Variants in FBXL20 observed in about 807,000 individuals in gnomAD.
The protein encoded by FBXL20 is F-box/LRR-repeat protein 20.
Under a neutral mutation model 64.0 loss-of-function variants are expected in FBXL20, and 11 were observed. The observed-to-expected ratio is 0.17, with a 90% CI of 0.11 to 0.28. The LOEUF (loss-of-function observed/expected upper bound fraction) is 0.28. FBXL20 is among the 10% of genes least tolerant of loss of function. FBXL20 has a pLI of 1.00. For missense variants in FBXL20, 303 were observed against 526.2 expected (o/e 0.58, Z 4.15); for synonymous variants, 184 against 189.0 (o/e 0.97, Z 0.22).
intron 1 of FBXL20, among the ~76,000 whole-genome samples, chr17:39,388,914 C>G (rs1487069239): frequency 2.0e-5 from 3 of 149,802 alleles, no homozygotes; most frequent in Admixed American, 1.3e-4. Flanking sequence ...CCAGCCTGAC[C>G]AACATAATGA....
In FBXL20 at chr17:39,252,894, A is replaced by G. The variant is rs1355247377; in HGVS notation, c.*8566T>C. On this transcript the variant is annotated 3_prime_UTR_variant, in exon 15 of 15. Coordinates refer to ENST00000264658, the MANE Select transcript of FBXL20 (RefSeq NM_032875.3). ...TCAAGCGCCAAAAGTACTGGGTGGA[A>G]ACAGTCACTTGGAGAGCTAATGGAA... The G allele has an allele frequency of 1.3e-5, 2 of 152,062 alleles. No individual in the cohort carries two copies. Among genetic ancestry groups the G allele is most frequent in the Non-Finnish European group, 2.9e-5 (2 of 68,030 alleles). 9.4% of individuals were successfully genotyped at this position (152,062 alleles called of 1,614,324 possible). A position where few individuals can be genotyped will look rare whatever the true frequency, so the allele number is the denominator to read the frequency against.
intron 1 of FBXL20, among the ~76,000 whole-genome samples, chr17:39,371,876 T>A (rs769357160): frequency 2.4e-4 from 36 of 152,066 alleles, no homozygotes; most frequent in Non-Finnish European, 4.9e-4. Context: ...ACTACTCAGG[T>A]TTAAAGGAGA....
In FBXL20 at chr17:39,282,718, T is replaced by G. The variant is rs759697891; in HGVS notation, c.621+11A>C. ...TCTTCCGAATTTCACGAGCCCTACA[T>G]GGAGTATTACCTGCGTGCAGCCTTT... On this transcript the variant is annotated intron_variant, in intron 8 of 14. Transcript: ENST00000264658. 5 of 1,613,982 alleles carry G rather than the reference T, an allele frequency of 3.1e-6. No individual in the cohort carries two copies. The highest frequency in any genetic ancestry group is 2.7e-5 in the African/African-American group (2 of 74,920).
intron 2 of FBXL20, among the ~76,000 whole-genome samples, chr17:39,328,575 AAC>A (rs2047431784): frequency 1.3e-5 from 2 of 152,228 alleles, no homozygotes; most frequent in South Asian, 4.1e-4. Flanking sequence ...TACGGATATA[AAC>A]ACAAACAAAT....
In FBXL20 at chr17:39,275,008, G is replaced by A. The variant is rs1304733862; in HGVS notation, c.789C>T (p.Ala263=). The stretch of plus-strand genomic sequence containing the variant: ...AGTTCTGACCTAGAGCATTCAGGAT[G>A]GCATCTGTGATGTTGGAGCAGCCAG... ...CASGCSNITD[A]ILNALGQNCP... is the part of the protein sequence containing the mutation. The change falls in exon 10 of 15, where the codon GCC becomes GCT. Residue 263 remains alanine, a synonymous_variant. Coordinates refer to ENST00000264658, the MANE Select transcript of FBXL20 (RefSeq NM_032875.3). The A allele has an allele frequency of 1.9e-6, 3 of 1,614,084 alleles. No individual in the cohort carries two copies. Among genetic ancestry groups the A allele is most frequent in the Non-Finnish European group, 2.5e-6 (3 of 1,180,004 alleles).
intron 2 of FBXL20, among the ~76,000 whole-genome samples, chr17:39,337,980 G>A (rs184525148): frequency 0.1 from 15,554 of 151,400 alleles, 842 homozygotes; most frequent in African/African-American, 0.15. Context: ...CTGCCCGGCC[G>A]CCCCTACTGG....
At position 39,401,599 on chromosome 17, in the gene FBXL20, A is replaced by G; in HGVS notation, c.-197T>C. 1.4e-6 allele frequency: 2 copies of G among 1,403,214 alleles called. No homozygotes were observed. The highest frequency in any genetic ancestry group is 1.8e-6 in the Non-Finnish European group (2 of 1,087,480). 86.9% of individuals were successfully genotyped at this position (1,403,214 alleles called of 1,614,324 possible). ...TCCCGCGGCGCCGGCGGCCGCAACG[A>G]CTGCTCGTCGCTAGCTCGGCTCTCT... On this transcript the variant is annotated 5_prime_UTR_variant, in exon 1 of 15. Transcript: ENST00000264658.
At chr17:39,300,897 A>C in intron 4 of FBXL20, 104 bp downstream of exon 4, 1 of 1,066,842 alleles carries the variant, frequency 9.4e-7, no homozygotes, top group Middle Eastern at 2.1e-4. Flanking sequence ...TGAAAATAAT[A>C]GTTCCTCTCT....
At chr17:39,263,490 G>C (rs554580855) in intron 14 of FBXL20, among the ~76,000 whole-genome samples, 1 of 152,262 alleles carries the variant, frequency 6.6e-6, no homozygotes, top group South Asian at 2.1e-4. Flanking sequence ...ACTCCAGCCT[G>C]GGTGACAGAG....
At chr17:39,330,534 A>C (rs1296581894) in intron 2 of FBXL20, among the ~76,000 whole-genome samples, 5 of 152,110 alleles carry the variant, frequency 3.3e-5, no homozygotes, top group African/African-American at 1.2e-4. Flanking sequence ...AGACTGCTTG[A>C]ACCTGGGAAG....
chr17:39,336,205 AC>A (rs1215749910), intron 2 of FBXL20, among the ~76,000 whole-genome samples: 1 of 152,248 alleles, frequency 6.6e-6, no homozygotes, highest in East Asian at 1.9e-4. Context: ...GGCTGTAAGC[AC>A]TGCAAATACA....
chr17:39,332,382 G>A (rs1282665477), intron 2 of FBXL20, among the ~76,000 whole-genome samples: 1 of 152,048 alleles, frequency 6.6e-6, no homozygotes, highest in Non-Finnish European at 1.5e-5. Flanking sequence ...CTTCTCTAAT[G>A]GACAATATTT....
intron 1 of FBXL20, among the ~76,000 whole-genome samples, chr17:39,347,751 A>T (rs1387122029): frequency 2.0e-5 from 3 of 152,112 alleles, no homozygotes; most frequent in Non-Finnish European, 4.4e-5. Flanking sequence ...TGTTTTAGTC[A>T]TGGAGTCCTT....
At chr17:39,399,494 A>G (rs2048219766) in intron 1 of FBXL20, among the ~76,000 whole-genome samples, 1 of 152,250 alleles carries the variant, frequency 6.6e-6, no homozygotes, top group Non-Finnish European at 1.5e-5. Flanking sequence ...TCATTAACAC[A>G]TATCATTTCT....
intron 2 of FBXL20, among the ~76,000 whole-genome samples, chr17:39,332,158 C>T (rs970440095): frequency 1.3e-5 from 2 of 152,214 alleles, no homozygotes; most frequent in African/African-American, 2.4e-5. Context: ...ACACCTTCAA[C>T]TCCTAGAATT....
At chr17:39,290,864 G>A (rs1214320215) in intron 6 of FBXL20, among the ~76,000 whole-genome samples, 1 of 152,058 alleles carries the variant, frequency 6.6e-6, no homozygotes, top group East Asian at 1.9e-4. Flanking sequence ...CACTCAGCCT[G>A]TGCGTGTTCT....
intron 1 of FBXL20, among the ~76,000 whole-genome samples, chr17:39,347,154 T>C (rs1438329446): frequency 1.3e-5 from 2 of 152,204 alleles, no homozygotes; most frequent in African/African-American, 4.8e-5. Context: ...TAAACATACA[T>C]GTGCATGTGT....
At chr17:39,350,729 T>G (rs188370401) in intron 1 of FBXL20, among the ~76,000 whole-genome samples, 2 of 152,268 alleles carry the variant, frequency 1.3e-5, no homozygotes, top group African/African-American at 4.8e-5. Flanking sequence ...ACTCCAGGTT[T>G]GTAAGAAAGA....
intron 14 of FBXL20, among the ~76,000 whole-genome samples, chr17:39,262,438 G>C (rs1008409691): frequency 1.3e-5 from 2 of 151,936 alleles, no homozygotes; most frequent in Non-Finnish European, 2.9e-5. Flanking sequence ...CTGCCACCAT[G>C]CTCGGCTAAT....
Sources: gnomAD v4.1 joint callset for allele counts (sites outside exome capture counted in the v4.1 genomes callset) on GRCh38, gnomAD v4.1.1 for gene constraint, MANE v1.5 for transcripts, NCBI Gene and HGNC (gene_info 2026-07-23, HGNC 2026-07-21) for gene names.